Variants in RARB observed in about 807,000 individuals in gnomAD.
RARB encodes the protein HBV-activated protein.
In RARB, 17 loss-of-function variants were observed where a neutral mutation model predicts 51.9. The observed-to-expected ratio is 0.33, with a 90% CI of 0.22 to 0.49. The LOEUF (loss-of-function observed/expected upper bound fraction) is 0.49, where lower values mean the gene tolerates loss of function less well. Ranked by LOEUF, RARB falls within the 20% of genes least tolerant of loss-of-function variation. The pLI is 0.99. For missense variants in RARB, 369 were observed against 550.8 expected, an observed-to-expected ratio of 0.67 and a Z score of 3.30; for synonymous variants, 215 against 195.4, an observed-to-expected ratio of 1.10 and a Z score of -0.84.
intron 5 of RARB, among the ~76,000 whole-genome samples, chr3:25,407,860 T>A (rs1444984209): frequency 6.6e-6 from 1 of 152,128 alleles, no homozygotes; most frequent in Non-Finnish European, 1.5e-5. Context: ...GATGGGAAGT[T>A]GGTGGATAAA....
chr3:25,541,424 G>T (rs1273942375), intron 3 of RARB, among the ~76,000 whole-genome samples: 3 of 152,062 alleles, frequency 2.0e-5, no homozygotes, highest in Admixed American at 6.6e-5. Flanking sequence ...ACAGATTTTT[G>T]TCTTTTGTGT....
intron 2 of RARB, among the ~76,000 whole-genome samples, chr3:24,980,701 G>C (rs1295245315): frequency 6.6e-6 from 1 of 152,086 alleles, no homozygotes; most frequent in Non-Finnish European, 1.5e-5. Flanking sequence ...CTTTATGATG[G>C]GTTAGAACAT....
intron 2 of RARB, among the ~76,000 whole-genome samples, chr3:24,931,278 C>G (rs1384606725): frequency 5.9e-5 from 9 of 152,042 alleles, no homozygotes; most frequent in Non-Finnish European, 1.5e-5. Context: ...AATTATTTCT[C>G]TCTGCTGCCT....
At chr3:25,498,536 C>T (rs1381127093) in intron 2 of RARB, among the ~76,000 whole-genome samples, 1 of 152,146 alleles carries the variant, frequency 6.6e-6, no homozygotes, top group Admixed American at 6.5e-5. Flanking sequence ...TTTGGAAAAC[C>T]AAGAAGTCCT....
At chr3:24,960,204 T>G (rs1250159152) in intron 2 of RARB, among the ~76,000 whole-genome samples, 1 of 152,214 alleles carries the variant, frequency 6.6e-6, no homozygotes, top group Non-Finnish European at 1.5e-5. Flanking sequence ...ATACTTAAAT[T>G]GGAGTTTTTA....
At chr3:25,032,708 AAGGGAGGGTATTTCAGCAGGGGGC>A (rs1359139208) in intron 2 of RARB, among the ~76,000 whole-genome samples, 4 of 152,192 alleles carry the variant, frequency 2.6e-5, no homozygotes, top group South Asian at 4.1e-4. Context: ...ACATAGATGG[AAGGGAGGGTATTTCAGCAGGGGGC>A]AGGGAGGGTA....
intron 4 of RARB, among the ~76,000 whole-genome samples, chr3:25,574,932 C>T (rs995070534): frequency 1.3e-5 from 2 of 152,120 alleles, no homozygotes; most frequent in African/African-American, 4.8e-5. Flanking sequence ...AACCCGAGTT[C>T]CAGTCCCCAC....
At chr3:25,035,241 C>A (rs992369943) in intron 2 of RARB, among the ~76,000 whole-genome samples, 2 of 152,040 alleles carry the variant, frequency 1.3e-5, no homozygotes, top group Non-Finnish European at 2.9e-5. Context: ...CCCACCTCAG[C>A]CTCCCACGTA....
intron 5 of RARB, among the ~76,000 whole-genome samples, chr3:25,391,870 G>T (rs1339255509): frequency 2.6e-4 from 40 of 152,044 alleles, no homozygotes; most frequent in Non-Finnish European, 5.9e-5. Context: ...TATTTCTTTT[G>T]CTGTGCAGAA....
intron 5 of RARB, among the ~76,000 whole-genome samples, chr3:25,203,267 T>G (rs1426716532): frequency 6.6e-6 from 1 of 152,192 alleles, no homozygotes; most frequent in East Asian, 1.9e-4. Flanking sequence ...TGCCTTTTTT[T>G]GTTTTCCATT....
At chr3:25,208,101 A>G (rs950066873) in intron 5 of RARB, among the ~76,000 whole-genome samples, 2 of 152,184 alleles carry the variant, frequency 1.3e-5, no homozygotes, top group Non-Finnish European at 2.9e-5. Flanking sequence ...TTGCAAGGAC[A>G]GTGCCGAGGG....
chr3:25,112,096 A>T (rs955677936), intron 3 of RARB, among the ~76,000 whole-genome samples: 2 of 152,158 alleles, frequency 1.3e-5, no homozygotes, highest in African/African-American at 2.4e-5. Flanking sequence ...TGATTATGAT[A>T]ATAATTTTAA....
At chr3:25,454,334 C>G (rs567124109) in intron 1 of RARB, among the ~76,000 whole-genome samples, 1 of 152,222 alleles carries the variant, frequency 6.6e-6, no homozygotes, top group Admixed American at 6.5e-5. Flanking sequence ...TCCAGATAGG[C>G]TCTCTTTGGT....
chr3:25,051,611 A>G lies in RARB; in HGVS notation c.-379-8514A>G, dbSNP rs149214851. 5.4e-3 allele frequency among the ~76,000 whole-genome samples: 826 copies of G among 152,298 alleles called. 4 individuals carry two copies. The highest frequency in any genetic ancestry group is 0.014 in the Middle Eastern group (4 of 294). On this transcript the variant is annotated intron_variant, in intron 2 of 11. Coordinates refer to the RARB transcript ENST00000383772. The stretch of plus-strand genomic sequence containing the variant: ...TAAGACTACACATTCAATTTAATCA[A>G]TATTTTTAAAGATACTATTATTCAT...
chr3:25,002,172 T>C (rs1697175107), intron 2 of RARB, among the ~76,000 whole-genome samples: 2 of 152,134 alleles, frequency 1.3e-5, no homozygotes, highest in Non-Finnish European at 1.5e-5. Flanking sequence ...ATTACAACAT[T>C]CACTTAACAT....
chr3:24,988,664 C>A (rs1040701249), intron 2 of RARB, among the ~76,000 whole-genome samples: 2 of 151,974 alleles, frequency 1.3e-5, no homozygotes, highest in Non-Finnish European at 2.9e-5. Flanking sequence ...TCCTTTACAA[C>A]TTTATTTTCA....
At chr3:25,328,477 G>A (rs763400639) in intron 5 of RARB, among the ~76,000 whole-genome samples, 27 of 152,234 alleles carry the variant, frequency 1.8e-4, no homozygotes, top group Admixed American at 3.9e-4. Flanking sequence ...CTGAGATCAT[G>A]CCACTGCACT....
intron 5 of RARB, among the ~76,000 whole-genome samples, chr3:25,300,990 C>G (rs183354149): frequency 2.6e-5 from 4 of 152,322 alleles, no homozygotes; most frequent in Admixed American, 1.3e-4. Context: ...AAGCGAGACT[C>G]TGTCTCAAAA....
chr3:25,092,495 G>C (rs538546646), intron 3 of RARB, among the ~76,000 whole-genome samples: 1 of 151,986 alleles, frequency 6.6e-6, no homozygotes, highest in African/African-American at 2.4e-5. Flanking sequence ...TTTTACTATT[G>C]TTCCTAATAC....
Sources: allele counts gnomAD v4.1 joint callset (sites outside exome capture counted in the v4.1 genomes callset), GRCh38; gene constraint gnomAD v4.1.1; transcripts MANE v1.5; gene names NCBI Gene and HGNC (gene_info 2026-07-23, HGNC 2026-07-21).